The following SNX9 variants were observed in gnomAD, a reference collection of about 807,000 sequenced individuals.
The protein encoded by SNX9 is sorting nexin-9.
SNX9 carries 44 observed loss-of-function variants against 89.4 expected under a neutral mutation model. The observed-to-expected ratio is 0.49, with a 90% CI of 0.39 to 0.63. The LOEUF is 0.63. SNX9 is among the 30% of genes least tolerant of loss of function. SNX9 has a pLI of 0.00. For synonymous variants in SNX9, 236 were observed against 247.8 expected, an observed-to-expected ratio of 0.95 and a Z score of 0.45; for missense variants, 578 against 736.1, an observed-to-expected ratio of 0.79 and a Z score of 2.49.
At chr6:157,891,027 CTTTT>C (rs67186551) in intron 4 of SNX9, among the ~76,000 whole-genome samples, 4 of 114,918 alleles carry the variant, frequency 3.5e-5, no homozygotes, top group South Asian at 6.0e-4. Context: ...TTTTCTTTCT[CTTTT>C]TTTTTTTTTT....
At chr6:157,829,132 C>T (rs1006258917) in intron 1 of SNX9, 10 of 139,186 alleles carry the variant, frequency 7.2e-5, no homozygotes, top group African/African-American at 3.4e-4. Flanking sequence ...TTTACATCTG[C>T]AGCTTAGGTA....
intron 1 of SNX9, among the ~76,000 whole-genome samples, chr6:157,844,894 C>CTTTGTATTTTT (rs1562592321): frequency 6.6e-6 from 1 of 151,892 alleles, no homozygotes; most frequent in Non-Finnish European, 1.5e-5. Flanking sequence ...TGCGCCTGGC[C>CTTTGTATTTTT]GTCGTCCTTG....
intron 12 of SNX9, 36 bp downstream of exon 12, chr6:157,928,738 G>C (rs139090397): frequency 2.7e-6 from 4 of 1,483,318 alleles, no homozygotes; most frequent in African/African-American, 1.4e-5. Context: ...GGGCTCGTAG[G>C]GGGTGATGCA....
At chr6:157,918,592 T>C (rs1279720101) in intron 9 of SNX9, among the ~76,000 whole-genome samples, 1 of 152,200 alleles carries the variant, frequency 6.6e-6, no homozygotes, top group African/African-American at 2.4e-5. Flanking sequence ...AGGCCATTTG[T>C]ATTTAATATA....
chr6:157,920,077 G>A (rs564086573), intron 9 of SNX9, among the ~76,000 whole-genome samples: 4 of 152,202 alleles, frequency 2.6e-5, no homozygotes, highest in Non-Finnish European at 4.4e-5. Context: ...CCTCAGGCCA[G>A]TAAGTTGGGG....
intron 16 of SNX9, among the ~76,000 whole-genome samples, chr6:157,939,835 C>T (rs1422975769): frequency 6.6e-6 from 1 of 152,098 alleles, no homozygotes; most frequent in Non-Finnish European, 1.5e-5. Context: ...GAACAGTTTG[C>T]ATGTCATGGG....
intron 1 of SNX9, among the ~76,000 whole-genome samples, chr6:157,841,613 G>A (rs1302706596): frequency 6.6e-6 from 1 of 152,122 alleles, no homozygotes; most frequent in Non-Finnish European, 1.5e-5. Flanking sequence ...GCTTTCCCAT[G>A]GGGAGGTGGT....
chr6:157,905,726 A>G (rs1783198095), intron 6 of SNX9, among the ~76,000 whole-genome samples: 1 of 152,194 alleles, frequency 6.6e-6, no homozygotes, highest in Non-Finnish European at 1.5e-5. Context: ...GGCAACTTTA[A>G]TTTGGATGTA....
intron 9 of SNX9, among the ~76,000 whole-genome samples, chr6:157,911,923 C>T (rs1275104372): frequency 6.6e-6 from 1 of 152,136 alleles, no homozygotes; most frequent in Non-Finnish European, 1.5e-5. Flanking sequence ...GGTAGATAAA[C>T]ACATCTCCCC....
chr6:157,891,539 A>C (rs1782861879), intron 4 of SNX9, among the ~76,000 whole-genome samples: 1 of 152,228 alleles, frequency 6.6e-6, no homozygotes, highest in Non-Finnish European at 1.5e-5. Context: ...AGAGTAAGAT[A>C]TATTTCATAC....
chr6:157,940,162 T>C (rs1399067967), intron 16 of SNX9, among the ~76,000 whole-genome samples: 1 of 152,180 alleles, frequency 6.6e-6, no homozygotes, highest in Admixed American at 6.5e-5. Context: ...ACCAGAAACC[T>C]GCTGAAGCAA....
intron 2 of SNX9, among the ~76,000 whole-genome samples, chr6:157,871,554 G>A (rs1782412399): frequency 1.3e-5 from 2 of 152,082 alleles, no homozygotes. Context: ...GGGAGGGATA[G>A]CATTAGGAGA....
At chr6:157,849,501 C>T (rs376035257) in intron 1 of SNX9, among the ~76,000 whole-genome samples, 25 of 152,282 alleles carry the variant, frequency 1.6e-4, no homozygotes, top group African/African-American at 2.9e-4. Context: ...AGGTCCTTGG[C>T]GCTGCAGGCG....
At chr6:157,894,634 A>G (rs1001988635) in intron 4 of SNX9, among the ~76,000 whole-genome samples, 2 of 152,114 alleles carry the variant, frequency 1.3e-5, no homozygotes, top group Non-Finnish European at 2.9e-5. Context: ...TAATAATTAA[A>G]CTATTAAATT....
At chr6:157,870,647 C>T (rs1782385207) in intron 2 of SNX9, among the ~76,000 whole-genome samples, 1 of 147,296 alleles carries the variant, frequency 6.8e-6, no homozygotes, top group Admixed American at 6.8e-5. Flanking sequence ...CTCTCCTGCT[C>T]TCACACAGAT....
intron 1 of SNX9, among the ~76,000 whole-genome samples, chr6:157,824,969 C>T (rs534167319): frequency 6.6e-6 from 1 of 152,264 alleles, no homozygotes; most frequent in East Asian, 1.9e-4. Context: ...ATAGGCCGGG[C>T]GCGGTGGCTC....
intron 1 of SNX9, among the ~76,000 whole-genome samples, chr6:157,841,435 T>C (rs752420956): frequency 6.6e-5 from 10 of 151,950 alleles, no homozygotes; most frequent in Admixed American, 1.3e-4. Context: ...AGGTCAGGAA[T>C]TGTGAAGGGA....
intron 4 of SNX9, among the ~76,000 whole-genome samples, chr6:157,879,935 G>A (rs769309138): frequency 6.6e-6 from 1 of 152,194 alleles, no homozygotes; most frequent in Non-Finnish European, 1.5e-5. Context: ...TGTAAACCTA[G>A]ATGTCTTATC....
At chr6:157,906,105 T>C (rs373358555) in intron 6 of SNX9, 23 bp from the exon 7 acceptor site, 2 of 1,597,960 alleles carry the variant, frequency 1.3e-6, no homozygotes, top group African/African-American at 2.7e-5. Context: ...TTAAGACTGA[T>C]GAACATTTAT....
Sources: allele counts gnomAD v4.1 joint callset (sites outside exome capture counted in the v4.1 genomes callset), GRCh38; gene constraint gnomAD v4.1.1; transcripts MANE v1.5; gene names NCBI Gene and HGNC (gene_info 2026-07-23, HGNC 2026-07-21).